The following ETF1 variants were observed in gnomAD, a reference collection of about 807,000 sequenced individuals.
ETF1 encodes the protein eukaryotic translation termination factor 1.
In ETF1, 4 loss-of-function variants were observed where a neutral mutation model predicts 55.1. The ratio of observed to expected loss-of-function variants is 0.07; its 90% CI spans 0.04 to 0.17. ETF1 has a LOEUF of 0.17. Among genes scored for constraint, ETF1 ranks in the 10% least tolerant of loss-of-function variants. The pLI, the probability that ETF1 is intolerant of heterozygous loss-of-function variation, is 1.00. For synonymous variants in ETF1, 157 were observed against 182.3 expected, an observed-to-expected ratio of 0.86 and a Z score of 1.12; for missense variants, 142 against 523.6, an observed-to-expected ratio of 0.27 and a Z score of 7.11.
chr5:138,513,283 G>A, intron 5 of ETF1: 1 of 879,722 alleles, frequency 1.1e-6, no homozygotes, highest in Non-Finnish European at 1.4e-6. Context: ...CCAGACTGGA[G>A]TGCAGTGGCG....
rs58936942 is a variant in ETF1 at position 138,512,258 on chromosome 5, AT to A, written c.732+505del. Among the ~76,000 whole-genome samples the A allele has an allele frequency of 8.4e-3, 168 of 19,992 alleles. 6 individuals carry two copies. The highest frequency in any genetic ancestry group is 0.014 in the African/African-American group (75 of 5,276). 13.1% of individuals were successfully genotyped at this position (19,992 alleles called of 152,430 possible). ...TATATATATATATATATATATATAT[AT>A]TTTTTTTTTTTTTTAAAGGCAATTT... On this transcript the variant is annotated intron_variant, in intron 6 of 10. Coordinates refer to ENST00000360541, the MANE Select transcript of ETF1 (RefSeq NM_004730.4).
rs914415814 is a variant in ETF1 at position 138,542,652 on chromosome 5, C to T, written c.86+181G>A. 6.3e-6 allele frequency: 9 copies of T among 1,431,530 alleles called. No homozygotes were observed. The African/African-American group carries it at 1.3e-4, about 21-fold the overall frequency. The allele number at this position is 1,431,530 out of a possible 1,614,324, so 88.7% of individuals were successfully genotyped here. A position where few individuals can be genotyped will look rare whatever the true frequency, so the allele number is the denominator to read the frequency against. ...CCCTTACCCCCATGCGGGGAAAGGACCCCTTCTCGGGCCAACCGCGCCGAC... is the reference window on the plus strand; with the variant it reads ...CCCTTACCCCCATGCGGGGAAAGGATCCCTTCTCGGGCCAACCGCGCCGAC... On this transcript the variant is annotated intron_variant, in intron 2 of 10. Transcript: ENST00000360541.
chr5:138,540,202 T>G (rs1766115958), intron 2 of ETF1, among the ~76,000 whole-genome samples: 1 of 152,182 alleles, frequency 6.6e-6, no homozygotes, highest in Non-Finnish European at 1.5e-5. Flanking sequence ...CCATGATTCC[T>G]ATGCCTAGAA....
chr5:138,536,824 G>A (rs1007326070), intron 2 of ETF1, among the ~76,000 whole-genome samples: 4 of 152,084 alleles, frequency 2.6e-5, no homozygotes, highest in Admixed American at 2.0e-4. Flanking sequence ...GTACTGGGCC[G>A]ATCCTCAATC....
chr5:138,511,017 T>C (rs1483800264), intron 8 of ETF1, 28 bp downstream of exon 8: 1 of 1,607,420 alleles, frequency 6.2e-7, no homozygotes, highest in African/African-American at 1.3e-5. Flanking sequence ...CAGTAACAAA[T>C]AGCAACCTTA....
rs1169513314 is a variant in ETF1 at position 138,511,212 on chromosome 5, G to A, written c.863-12C>T. 6.2e-7 allele frequency: 1 copy of A among 1,613,772 alleles called. No homozygotes were observed. Among genetic ancestry groups the A allele is most frequent in the Non-Finnish European group, 8.5e-7 (1 of 1,179,912 alleles). On this transcript the variant is annotated splice_polypyrimidine_tract_variant and intron_variant, in intron 7 of 10. Transcript: ENST00000360541. ...ATCAAAGTATCGTCCTACGATTAGG[G>A]ATCAGTCAACAGGATATATATTAAA...
intron 2 of ETF1, among the ~76,000 whole-genome samples, chr5:138,525,035 C>T (rs1007171993): frequency 6.6e-6 from 1 of 151,990 alleles, no homozygotes; most frequent in African/African-American, 2.4e-5. Flanking sequence ...CTCTTGGTCT[C>T]AACCTGACAG....
chr5:138,515,574 A>T (rs1228723078), intron 4 of ETF1, among the ~76,000 whole-genome samples: 1 of 152,246 alleles, frequency 6.6e-6, no homozygotes, highest in Non-Finnish European at 1.5e-5. Flanking sequence ...AGAATATATA[A>T]TTACCCTGAT....
In ETF1 at chr5:138,532,059, A is replaced by AAAATAAAT. The variant is rs34771797; in HGVS notation, c.86+10766_86+10773dup. On this transcript the variant is annotated intron_variant, in intron 2 of 10. Coordinates refer to ENST00000360541, the MANE Select transcript of ETF1 (RefSeq NM_004730.4). ...AGACTCCGCCTCAAAAAAATAAAAT[A>AAAATAAAT]AAATAAATAAATAAATAAATCTCAG... Among the ~76,000 whole-genome samples the AAAATAAAT allele has an allele frequency of 3.2e-4, 48 of 150,386 alleles. No individual in the cohort carries two copies. The South Asian group carries it at 4.7e-3, about 15-fold the overall frequency.
intron 4 of ETF1, among the ~76,000 whole-genome samples, chr5:138,516,513 A>G (rs925782284): frequency 6.6e-6 from 1 of 152,162 alleles, no homozygotes; most frequent in African/African-American, 2.4e-5. Flanking sequence ...GGTGGTGCAC[A>G]CCTGTAATCC....
rs1411244944 is a variant in ETF1 at position 138,507,453 on chromosome 5, T to G, written c.*852A>C. 2 of 152,588 alleles carry G rather than the reference T, an allele frequency of 1.3e-5. No individual in the cohort carries two copies. Among genetic ancestry groups the G allele is most frequent in the Non-Finnish European group, 2.9e-5 (2 of 68,040 alleles). The allele number at this position is 152,588 out of a possible 1,614,324, so 9.5% of individuals were successfully genotyped here. On this transcript the variant is annotated 3_prime_UTR_variant, in exon 11 of 11. Coordinates refer to ENST00000360541, the MANE Select transcript of ETF1 (RefSeq NM_004730.4). ...TAAATTTCTTCGCTTCCACTTAAAT[T>G]GCATGTTTTATTTCTCCCAATCCCA... is the stretch of plus-strand genomic sequence containing the variant.
intron 2 of ETF1, among the ~76,000 whole-genome samples, chr5:138,528,124 C>G (rs1286752250): frequency 2.0e-5 from 3 of 152,096 alleles, no homozygotes; most frequent in African/African-American, 7.2e-5. Context: ...CATGCTCTGA[C>G]TTACAGAGAA....
intron 2 of ETF1, among the ~76,000 whole-genome samples, chr5:138,542,427 G>A (rs1486945066): frequency 6.6e-6 from 1 of 152,308 alleles, no homozygotes; most frequent in South Asian, 2.1e-4. Flanking sequence ...GCCTGGCTGA[G>A]AAATGAAGGG....
chr5:138,539,149 G>A (rs1028409087), intron 2 of ETF1, among the ~76,000 whole-genome samples: 2 of 152,212 alleles, frequency 1.3e-5, no homozygotes, highest in South Asian at 2.1e-4. Flanking sequence ...GTGAAGATAA[G>A]TGAAGACATT....
At chr5:138,526,012 T>C (rs1185861375) in intron 2 of ETF1, among the ~76,000 whole-genome samples, 4 of 151,932 alleles carry the variant, frequency 2.6e-5, no homozygotes, top group Non-Finnish European at 4.4e-5. Flanking sequence ...TTCACGAGAC[T>C]GTAAGAAAGT....
intron 7 of ETF1, 133 bp downstream of exon 7, chr5:138,511,342 C>A: frequency 1.3e-6 from 2 of 1,500,642 alleles, no homozygotes; most frequent in Non-Finnish European, 1.8e-6. Context: ...ACTAAATATT[C>A]CTTTTTACAT....
At chr5:138,513,210 C>T in intron 5 of ETF1, 1 of 985,086 alleles carries the variant, frequency 1.0e-6, no homozygotes. Context: ...TCTGGATTCA[C>T]TCCCCTCACA....
At chr5:138,508,446 G>A (rs1264507109) in intron 10 of ETF1, 59 bp from the exon 11 acceptor site, 12 of 1,606,462 alleles carry the variant, frequency 7.5e-6, no homozygotes, top group East Asian at 4.5e-5. Flanking sequence ...ATGTGTGTAG[G>A]TGGCTGGTAA....
chr5:138,531,107 G>A (rs1254099372), intron 2 of ETF1, among the ~76,000 whole-genome samples: 1 of 152,124 alleles, frequency 6.6e-6, no homozygotes. Context: ...TGAAAGGTGG[G>A]GCATATGGAA....
Sources: allele counts gnomAD v4.1 joint callset (sites outside exome capture counted in the v4.1 genomes callset), GRCh38; gene constraint gnomAD v4.1.1; transcripts MANE v1.5; gene names NCBI Gene and HGNC (gene_info 2026-07-23, HGNC 2026-07-21).